Variants in SORCS2 observed in about 807,000 individuals in gnomAD.
SORCS2 encodes sortilin related VPS10 domain containing receptor 2.
Under a neutral mutation model 141.6 loss-of-function variants are expected in SORCS2, and 100 were observed. The ratio of observed to expected loss-of-function variants is 0.71; its 90% CI spans 0.60 to 0.83. SORCS2 has a LOEUF of 0.83. SORCS2 is among the 40% of genes least tolerant of loss of function. SORCS2 has a pLI of 0.00. For synonymous variants in SORCS2, 789 were observed against 676.9 expected (o/e 1.17, Z -2.57); for missense variants, 1,646 against 1,560.2 (o/e 1.05, Z -0.93).
intron 5 of SORCS2, among the ~76,000 whole-genome samples, chr4:7,658,331 G>T (rs62290684): frequency 2.7e-5 from 4 of 145,888 alleles, no homozygotes; most frequent in Non-Finnish European, 6.3e-5. Context: ...GGGTGAGTGG[G>T]TGAATGAATG....
chr4:7,726,819 T>G lies in SORCS2; in HGVS notation c.2785T>G (p.Ser929Ala). The G allele has an allele frequency of 6.2e-7, 1 of 1,613,810 alleles. No homozygotes were observed. The highest frequency in any genetic ancestry group is 1.7e-5 in the Admixed American group (1 of 60,016). ...SLDNSVTTRF[S>A]DTGDVRVTVQ... ...GGATAATTCTGTGACAACGCGGTTT[T>G]CGGACACGGGCGACGTGCGTGTGAC... Residue 929 changes from serine to alanine, a missense_variant, in exon 21 of 27, where the codon TCG becomes GCG. Physicochemically the swap from Ser to Ala is moderately conservative, Grantham distance 99. Transcript: ENST00000507866.
At chr4:7,646,762 A>G (rs572554670) in intron 4 of SORCS2, among the ~76,000 whole-genome samples, 1 of 152,262 alleles carries the variant, frequency 6.6e-6, no homozygotes, top group Non-Finnish European at 1.5e-5. Context: ...TTCTGGCCTC[A>G]GAACGGTGTG....
At chr4:7,450,007 G>T (rs1416257721) in intron 2 of SORCS2, among the ~76,000 whole-genome samples, 1 of 152,202 alleles carries the variant, frequency 6.6e-6, no homozygotes, top group Non-Finnish European at 1.5e-5. Context: ...TGGGGCCCCT[G>T]GGACACGTGG....
At position 7,233,476 on chromosome 4, in the gene SORCS2, G is replaced by A. The variant is rs1237356121; in HGVS notation, c.480+40350G>A. Among the ~76,000 whole-genome samples, 2 of 152,218 alleles carry A rather than the reference G, an allele frequency of 1.3e-5. No homozygotes were observed. Among genetic ancestry groups the A allele is most frequent in the African/African-American group, 4.8e-5 (2 of 41,456 alleles). On this transcript the variant is annotated intron_variant, in intron 1 of 26. Transcript: ENST00000507866. This position sits in a 1 kb window ranked among gnomAD's most constrained non-coding sequence, Gnocchi z 4.5. Reference sequence around the variant, plus strand: ...GGCCCGGACACTGGGCCACAGTGCAGTACAGACCCTCGCTGGGCTCAGGGT... The same window carrying A: ...GGCCCGGACACTGGGCCACAGTGCAATACAGACCCTCGCTGGGCTCAGGGT...
At chr4:7,469,438 A>G (rs1729837775) in intron 2 of SORCS2, among the ~76,000 whole-genome samples, 1 of 152,220 alleles carries the variant, frequency 6.6e-6, no homozygotes. Context: ...TGTGGTTGGA[A>G]TGTGCGGTTC....
In SORCS2 at chr4:7,619,257, G is replaced by A. The variant is rs141243146; in HGVS notation, c.649-19071G>A. On this transcript the variant is annotated intron_variant, in intron 3 of 26. Coordinates refer to ENST00000507866, the MANE Select transcript of SORCS2 (RefSeq NM_020777.3). ...CAGTGGCAGCGAATGATGGCCAGGC[G>A]TAAGGGATTCATCTGGCCAGTCTGG... 2.4e-3 allele frequency among the ~76,000 whole-genome samples: 358 copies of A among 152,288 alleles called. 5 individuals carry two copies. Among genetic ancestry groups the A allele is most frequent in the African/African-American group, 7.7e-3 (320 of 41,552 alleles).
intron 11 of SORCS2, among the ~76,000 whole-genome samples, chr4:7,691,288 A>G (rs921524151): frequency 6.6e-6 from 1 of 152,214 alleles, no homozygotes; most frequent in African/African-American, 2.4e-5. Context: ...TGGGCCCTCC[A>G]AGGCTGTTTG....
chr4:7,391,720 C>T (rs573628799), intron 1 of SORCS2, among the ~76,000 whole-genome samples: 1 of 152,284 alleles, frequency 6.6e-6, no homozygotes, highest in South Asian at 2.1e-4. Flanking sequence ...CCCGCCAAAC[C>T]CTTTCTTTTC....
intron 3 of SORCS2, among the ~76,000 whole-genome samples, chr4:7,601,076 G>A (rs529371888): frequency 7.9e-5 from 12 of 152,254 alleles, no homozygotes. Context: ...AGCAGGAACA[G>A]GGTTTCGCCG....
chr4:7,737,803 C>G (rs1439384394), intron 26 of SORCS2, among the ~76,000 whole-genome samples: 1 of 152,200 alleles, frequency 6.6e-6, no homozygotes. Flanking sequence ...CCGGGCTGCT[C>G]GCTGTCAGGG....
At chr4:7,589,182 T>G (rs1420466826) in intron 3 of SORCS2, among the ~76,000 whole-genome samples, 1 of 152,106 alleles carries the variant, frequency 6.6e-6, no homozygotes, top group Non-Finnish European at 1.5e-5. Context: ...GCCTGCAAAG[T>G]CTATCTGGGA....
At chr4:7,399,524 G>A (rs1724435307) in intron 2 of SORCS2, among the ~76,000 whole-genome samples, 1 of 152,176 alleles carries the variant, frequency 6.6e-6, no homozygotes, top group Non-Finnish European at 1.5e-5. Context: ...TGATGATCCA[G>A]TGCTCTGCCC....
intron 3 of SORCS2, among the ~76,000 whole-genome samples, chr4:7,557,256 A>G (rs1473733674): frequency 6.6e-6 from 1 of 152,092 alleles, no homozygotes; most frequent in African/African-American, 2.4e-5. Flanking sequence ...TCTTAGCTTC[A>G]TTACCCAGTT....
intron 2 of SORCS2, among the ~76,000 whole-genome samples, chr4:7,442,783 G>GT (rs1727760282): frequency 1.3e-5 from 2 of 151,806 alleles, no homozygotes; most frequent in South Asian, 4.2e-4. Context: ...CATGTGAACA[G>GT]TATGGAGGTT....
At chr4:7,232,438 G>T (rs1711958542) in intron 1 of SORCS2, among the ~76,000 whole-genome samples, 1 of 152,176 alleles carries the variant, frequency 6.6e-6, no homozygotes, top group Non-Finnish European at 1.5e-5. Context: ...AGCAAGGCAT[G>T]GTATGCCAGC....
At chr4:7,481,620 C>T (rs905445030) in intron 2 of SORCS2, among the ~76,000 whole-genome samples, 3 of 152,022 alleles carry the variant, frequency 2.0e-5, no homozygotes, top group African/African-American at 7.3e-5. Context: ...TCTGCCTGTC[C>T]ATATTTGAAA....
At chr4:7,669,177 A>T (rs763553557) in intron 8 of SORCS2, among the ~76,000 whole-genome samples, 7 of 152,196 alleles carry the variant, frequency 4.6e-5, no homozygotes, top group Non-Finnish European at 7.3e-5. Flanking sequence ...GAGGTCATTG[A>T]AAAGACTCAA....
chr4:7,423,886 G>A (rs373589015), intron 2 of SORCS2, among the ~76,000 whole-genome samples: 2 of 152,182 alleles, frequency 1.3e-5, no homozygotes, highest in Non-Finnish European at 2.9e-5. Flanking sequence ...TTCTCCCACC[G>A]TGGCGGCCAG....
chr4:7,381,816 C>A, intron 1 of SORCS2: 1 of 750,268 alleles, frequency 1.3e-6, no homozygotes, highest in Non-Finnish European at 1.6e-6. Context: ...CTGAAGGCCA[C>A]CATGTGCCAG....
Sources: allele counts gnomAD v4.1 joint callset (sites outside exome capture counted in the v4.1 genomes callset), GRCh38; gene constraint gnomAD v4.1.1; non-coding constraint Gnocchi (gnomAD v3.1); transcripts MANE v1.5; gene names NCBI Gene and HGNC (gene_info 2026-07-23, HGNC 2026-07-21).